POFUT3: variants seen among roughly 807,000 people sequenced by gnomAD.
POFUT3 encodes GDP-fucose protein O-fucosyltransferase 3.
At chr8:33,398,839 A>T in the POFUT3 span, among the ~76,000 whole-genome samples, 1 of 152,210 alleles carries the variant, frequency 6.6e-6, no homozygotes, top group African/African-American at 2.4e-5. Context: ...ACAAAGGAAA[A>T]GATAAGGATG....
chr8:33,418,646 G>A, the POFUT3 span, among the ~76,000 whole-genome samples: 1 of 152,040 alleles, frequency 6.6e-6, no homozygotes, highest in African/African-American at 2.4e-5. Flanking sequence ...TGTGAGTACA[G>A]CCACTATCAA....
chr8:33,380,591 C>G, the POFUT3 span, among the ~76,000 whole-genome samples: 1 of 152,032 alleles, frequency 6.6e-6, no homozygotes. Flanking sequence ...AATCCCAGCA[C>G]TTTGGGAGGC....
At chr8:33,401,881 A>G in the POFUT3 span, among the ~76,000 whole-genome samples, 1 of 152,116 alleles carries the variant, frequency 6.6e-6, no homozygotes, top group African/African-American at 2.4e-5. Flanking sequence ...TACAAAAATA[A>G]GCCGGGTGTG....
the POFUT3 span, among the ~76,000 whole-genome samples, chr8:33,328,818 C>T: frequency 6.6e-6 from 1 of 152,064 alleles, no homozygotes; most frequent in Admixed American, 6.6e-5. Context: ...AAAAGGAGCA[C>T]CCAGTGAATG....
the POFUT3 span, among the ~76,000 whole-genome samples, chr8:33,354,934 G>C: frequency 5.5e-4 from 83 of 152,238 alleles, 2 homozygotes; most frequent in South Asian, 0.014. Context: ...TACCATAGCG[G>C]CACTTCCGAA....
chr8:33,336,729 C>G, the POFUT3 span, among the ~76,000 whole-genome samples: 4 of 152,144 alleles, frequency 2.6e-5, no homozygotes, highest in Non-Finnish European at 4.4e-5. Flanking sequence ...GAATATAGAG[C>G]ACAATTCCTG....
the POFUT3 span, among the ~76,000 whole-genome samples, chr8:33,387,103 TTG>T: frequency 3.3e-5 from 5 of 151,048 alleles, no homozygotes; most frequent in East Asian, 3.9e-4. Flanking sequence ...GTGTGTGTGT[TTG>T]TGTGTGTGTG....
At chr8:33,326,472 CA>C in the POFUT3 span, among the ~76,000 whole-genome samples, 1 of 152,072 alleles carries the variant, frequency 6.6e-6, no homozygotes, top group Non-Finnish European at 1.5e-5. Flanking sequence ...TTTAATTGAA[CA>C]AATATTTGTT....
chr8:33,421,733 T>C, the POFUT3 span, among the ~76,000 whole-genome samples: 1 of 152,200 alleles, frequency 6.6e-6, no homozygotes, highest in Non-Finnish European at 1.5e-5. Flanking sequence ...ACTCGTTTTG[T>C]TATTTGGAGG....
the POFUT3 span, chr8:33,372,069 G>A: frequency 2.3e-5 from 17 of 755,116 alleles, no homozygotes; most frequent in African/African-American, 2.7e-4. Context: ...CTTGAAGAGT[G>A]GATAGTGGAT....
chr8:33,391,577 C>T, the POFUT3 span, among the ~76,000 whole-genome samples: 5 of 152,274 alleles, frequency 3.3e-5, no homozygotes, highest in South Asian at 2.1e-4. Flanking sequence ...TGAAGTACAA[C>T]AGCTGCTGCT....
the POFUT3 span, among the ~76,000 whole-genome samples, chr8:33,367,547 ATTTCTGTGTGTGTGTC>A: frequency 6.6e-6 from 1 of 151,934 alleles, no homozygotes; most frequent in Non-Finnish European, 1.5e-5. Context: ...ACACCTCTAT[ATTTCTGTGTGTGTGTC>A]TTTAATTCCT....
chr8:33,453,268 G>T, the POFUT3 span: 1 of 1,614,172 alleles, frequency 6.2e-7, no homozygotes, highest in East Asian at 2.2e-5. Context: ...TCCGGTTGAT[G>T]GTGAAGAAAC....
chr8:33,417,134 C>T, the POFUT3 span, among the ~76,000 whole-genome samples: 4 of 152,210 alleles, frequency 2.6e-5, no homozygotes, highest in East Asian at 5.8e-4. Context: ...TAGATTCTCA[C>T]AGAAGCATGA....
chr8:33,429,254 G>C, the POFUT3 span, among the ~76,000 whole-genome samples: 1 of 152,096 alleles, frequency 6.6e-6, no homozygotes, highest in Non-Finnish European at 1.5e-5. Context: ...TCGGACCCAA[G>C]GTCTTTCCAT....
At chr8:33,364,106 C>A in the POFUT3 span, among the ~76,000 whole-genome samples, 2 of 152,164 alleles carry the variant, frequency 1.3e-5, no homozygotes, top group Non-Finnish European at 2.9e-5. Flanking sequence ...GGATGCTAGG[C>A]TGGTTCAACA....
At chr8:33,430,828 G>A in the POFUT3 span, among the ~76,000 whole-genome samples, 4 of 152,178 alleles carry the variant, frequency 2.6e-5, no homozygotes, top group African/African-American at 4.8e-5. Context: ...GGCTGGTCTC[G>A]AACTCCCAAC....
chr8:33,318,645 G>C, the POFUT3 span, among the ~76,000 whole-genome samples: 1 of 60,870 alleles, frequency 1.6e-5, no homozygotes, highest in South Asian at 4.9e-4. Context: ...TAAATATATT[G>C]TATATATATT....
chr8:33,363,394 G>A, the POFUT3 span, among the ~76,000 whole-genome samples: 1 of 152,062 alleles, frequency 6.6e-6, no homozygotes, highest in Non-Finnish European at 1.5e-5. Context: ...TCAAAAACTA[G>A]CAGAAGGCAA....
Sources: allele counts gnomAD v4.1 joint callset (sites outside exome capture counted in the v4.1 genomes callset), GRCh38; gene constraint gnomAD v4.1.1; transcripts MANE v1.5; gene names NCBI Gene and HGNC (gene_info 2026-07-23, HGNC 2026-07-21).